Variants in CMAS observed in about 807,000 individuals in gnomAD.
The protein encoded by CMAS is N-acylneuraminate cytidylyltransferase.
In CMAS, 21 loss-of-function variants were observed where a neutral mutation model predicts 53.4. The ratio of observed to expected loss-of-function variants is 0.39; its 90% CI spans 0.28 to 0.57. The LOEUF (loss-of-function observed/expected upper bound fraction) is 0.57. Ranked by LOEUF, CMAS falls within the 20% of genes least tolerant of loss-of-function variation. The probability of loss-of-function intolerance (pLI) is 0.56; values close to 1 mark genes in which losing one functional copy is unlikely to be tolerated. For synonymous variants in CMAS, 189 were observed against 195.2 expected (o/e 0.97, Z 0.27); for missense variants, 384 against 534.9 (o/e 0.72, Z 2.78).
intron 7 of CMAS, among the ~76,000 whole-genome samples, chr12:22,063,430 C>G (rs1950321834): frequency 6.6e-6 from 1 of 152,098 alleles, no homozygotes; most frequent in Non-Finnish European, 1.5e-5. Context: ...TACTTATTAT[C>G]TTTCTTTGGG....
chr12:22,058,208 C>T (rs1161512003), intron 3 of CMAS, among the ~76,000 whole-genome samples: 1 of 150,992 alleles, frequency 6.6e-6, no homozygotes, highest in Non-Finnish European at 1.5e-5. Context: ...GGGCGGATCA[C>T]GAGGTCAGGA....
intron 1 of CMAS, among the ~76,000 whole-genome samples, chr12:22,047,820 C>T (rs1435420007): frequency 6.6e-6 from 1 of 152,126 alleles, no homozygotes; most frequent in East Asian, 1.9e-4. Context: ...AGCTCACAAA[C>T]TTTGGGATAT....
intron 5 of CMAS, 75 bp from the exon 6 acceptor site, chr12:22,061,206 G>A (rs745578942): frequency 1.0e-6 from 1 of 969,744 alleles, no homozygotes; most frequent in South Asian, 1.4e-5. Flanking sequence ...GACATTTCAT[G>A]TATTGGTTTA....
intron 1 of CMAS, among the ~76,000 whole-genome samples, chr12:22,048,366 G>GT (rs1354864232): frequency 1.3e-5 from 2 of 152,252 alleles, no homozygotes; most frequent in African/African-American, 4.8e-5. Context: ...TTTCAAGGTG[G>GT]TTGTACTGAG....
intron 1 of CMAS, among the ~76,000 whole-genome samples, chr12:22,052,596 T>C (rs1950243983): frequency 6.6e-6 from 1 of 152,238 alleles, no homozygotes; most frequent in Non-Finnish European, 1.5e-5. Flanking sequence ...TTTTTTATTG[T>C]ATTCTAATTT....
intron 1 of CMAS, among the ~76,000 whole-genome samples, chr12:22,051,291 G>T (rs550188392): frequency 6.6e-6 from 1 of 152,218 alleles, no homozygotes; most frequent in Non-Finnish European, 1.5e-5. Flanking sequence ...GTTCAGTGCT[G>T]TGTAAGTAAA....
At chr12:22,055,796 C>T (rs1371648788) in intron 3 of CMAS, among the ~76,000 whole-genome samples, 186 bp downstream of exon 3, 1 of 152,148 alleles carries the variant, frequency 6.6e-6, no homozygotes, top group African/African-American at 2.4e-5. Context: ...CACAGCTAGA[C>T]CAAATTAATT....
At chr12:22,062,492 T>C (rs1950315261) in intron 7 of CMAS, 58 bp downstream of exon 7, 1 of 1,541,200 alleles carries the variant, frequency 6.5e-7, no homozygotes. Flanking sequence ...TATTTACTTA[T>C]TTTTAAAGAA....
intron 3 of CMAS, among the ~76,000 whole-genome samples, chr12:22,056,840 G>T (rs1373663504): frequency 1.3e-5 from 2 of 152,080 alleles, no homozygotes; most frequent in East Asian, 3.9e-4. Context: ...GATCTTTCTT[G>T]TACCTTCTCC....
chr12:22,055,427 TC>T lies in CMAS; in HGVS notation c.404-26del, dbSNP rs147242200. On this transcript the variant is annotated intron_variant, in intron 2 of 7. Transcript: ENST00000229329. ...TTGCAAGGAACTTTTTTTTTAAATA[TC>T]CTTTTCATTTCTCTTGTCTTTTTAA... 7,789 of 1,551,498 alleles carry T rather than the reference TC, an allele frequency of 5.0e-3. 374 individuals carry two copies. In the African/African-American group the frequency reaches 0.094, roughly 19 times the overall value.
At chr12:22,047,895 AG>A (rs1318689830) in intron 1 of CMAS, among the ~76,000 whole-genome samples, 67 of 152,370 alleles carry the variant, frequency 4.4e-4, no homozygotes, top group African/African-American at 1.6e-3. Context: ...TCCAGACTGC[AG>A]TAATATAGTG....
At position 22,061,314 on chromosome 12, in the gene CMAS, A is replaced by G; in HGVS notation, c.822A>G (p.Glu274=). The change falls in exon 6 of 8, where the codon GAA becomes GAG. Residue 274 remains glutamate (E), a synonymous_variant. Transcript: ENST00000229329. ...YGYFGKEKLK[E]IKLLVCNIDG... Reference sequence around the variant, plus strand: ...ATTTTGGCAAAGAGAAGCTTAAGGAAATAAAACTTTTGGTTTGCAATATTG... The same window carrying G: ...ATTTTGGCAAAGAGAAGCTTAAGGAGATAAAACTTTTGGTTTGCAATATTG... The G allele has an allele frequency of 6.2e-7, 1 of 1,612,198 alleles. No individual in the cohort carries two copies. Among genetic ancestry groups the G allele is most frequent in the Non-Finnish European group, 8.5e-7 (1 of 1,179,290 alleles).
intron 1 of CMAS, among the ~76,000 whole-genome samples, chr12:22,047,679 T>G (rs1950215302): frequency 1.3e-5 from 2 of 152,062 alleles, no homozygotes; most frequent in Non-Finnish European, 2.9e-5. Context: ...CAATAGGAAG[T>G]GTGCGAAGGA....
chr12:22,065,099 C>T (rs1376853197), intron 7 of CMAS, 22 bp from the exon 8 acceptor site: 1 of 1,560,826 alleles, frequency 6.4e-7, no homozygotes, highest in Non-Finnish European at 8.8e-7. Context: ...AATGTTTGCT[C>T]AGTATTTATT....
At chr12:22,048,442 G>A (rs1950220174) in intron 1 of CMAS, among the ~76,000 whole-genome samples, 1 of 152,008 alleles carries the variant, frequency 6.6e-6, no homozygotes, top group African/African-American at 2.4e-5. Flanking sequence ...ACTTGACCAA[G>A]CCCTAGCATG....
chr12:22,059,631 GAA>G (rs1418412897), intron 4 of CMAS, among the ~76,000 whole-genome samples: 5 of 152,118 alleles, frequency 3.3e-5, no homozygotes, highest in African/African-American at 9.7e-5. Flanking sequence ...GCAAAAGAGA[GAA>G]AAACATTTTT....
chr12:22,051,276 C>T (rs1410275370), intron 1 of CMAS, among the ~76,000 whole-genome samples: 2 of 152,154 alleles, frequency 1.3e-5, no homozygotes, highest in Non-Finnish European at 2.9e-5. Context: ...TAATTTTCAA[C>T]AGTGGTTCAG....
Position 22,062,271 on chromosome 12 carries a change from T to A in CMAS, c.961-10T>A. 6.4e-7 allele frequency: 1 copy of A among 1,553,114 alleles called. No homozygotes were observed. The highest frequency in any genetic ancestry group is 1.4e-5 in the African/African-American group (1 of 71,686). The stretch of plus-strand genomic sequence containing the variant: ...TTCTTCCTCCAATCCTTTTTTTTTT[T>A]TTTTTTAAGGTGAGGCTAATCTCAG... On this transcript the variant is annotated splice_polypyrimidine_tract_variant and intron_variant, in intron 6 of 7. Transcript: ENST00000229329.
At position 22,063,116 on chromosome 12, in the gene CMAS, A is replaced by G. The variant is rs574830085; in HGVS notation, c.1114+682A>G. On this transcript the variant is annotated intron_variant, in intron 7 of 7. Transcript: ENST00000229329. Reference sequence around the variant, plus strand: ...ACGCAGCATGGAACTGGTTGTGGGAACTGTAGGCTTTCTGCTTGCAGAGCT... The same window carrying G: ...ACGCAGCATGGAACTGGTTGTGGGAGCTGTAGGCTTTCTGCTTGCAGAGCT... Among the ~76,000 whole-genome samples, 6 of 152,344 alleles carry G rather than the reference A, an allele frequency of 3.9e-5. No individual in the cohort carries two copies. In the South Asian group the frequency reaches 6.2e-4, roughly 16 times the overall value.
Sources: allele counts gnomAD v4.1 joint callset (sites outside exome capture counted in the v4.1 genomes callset), GRCh38; gene constraint gnomAD v4.1.1; transcripts MANE v1.5; gene names NCBI Gene and HGNC (gene_info 2026-07-23, HGNC 2026-07-21).